EML6: variants seen among roughly 807,000 people sequenced by gnomAD.
EML6 encodes EMAP like 6.
Under a neutral mutation model 240.1 loss-of-function variants are expected in EML6, and 154 were observed. The ratio of observed to expected loss-of-function variants is 0.64; its 90% CI spans 0.56 to 0.73. The LOEUF (loss-of-function observed/expected upper bound fraction) is 0.73. Ranked by LOEUF, EML6 falls within the 30% of genes least tolerant of loss-of-function variation. The probability of loss-of-function intolerance (pLI) is 0.00; values close to 1 mark genes in which losing one functional copy is unlikely to be tolerated. For missense variants in EML6, 2,964 were observed against 2,474.6 expected, an observed-to-expected ratio of 1.20 and a Z score of -4.20; for synonymous variants, 1,148 against 899.0, an observed-to-expected ratio of 1.28 and a Z score of -4.95.
At chr2:54,836,704 T>A (rs574452357) in intron 7 of EML6, among the ~76,000 whole-genome samples, 1 of 152,314 alleles carries the variant, frequency 6.6e-6, no homozygotes, top group Non-Finnish European at 1.5e-5. Flanking sequence ...ACACAGGGCC[T>A]GGTACTCAGG....
rs1369949227 is a variant in EML6 at position 54,849,148 on chromosome 2, G to A, written c.1188-814G>A. ...ATTTCTTTTTAAAATTTTAAAAATC[G>A]ATACATAATAGATACACATATTTTC... On this transcript the variant is annotated intron_variant, in intron 9 of 41. Transcript: ENST00000356458. Among the ~76,000 whole-genome samples the A allele has an allele frequency of 2.0e-5, 3 of 152,164 alleles. No individual in the cohort carries two copies. The East Asian group carries it at 5.8e-4, about 29-fold the overall frequency.
intron 2 of EML6, among the ~76,000 whole-genome samples, chr2:54,744,332 T>G (rs1245041649): frequency 6.6e-6 from 1 of 151,932 alleles, no homozygotes; most frequent in African/African-American, 2.4e-5. Context: ...TGTAAACCCA[T>G]GGGAATGTCC....
chr2:54,956,164 A>C (rs903400097), intron 32 of EML6, among the ~76,000 whole-genome samples: 1 of 152,214 alleles, frequency 6.6e-6, no homozygotes, highest in Non-Finnish European at 1.5e-5. Context: ...AGGTGTCTCC[A>C]CAATTAGAAG....
chr2:54,936,590 G>A (rs1448804561), intron 28 of EML6, among the ~76,000 whole-genome samples: 3 of 151,972 alleles, frequency 2.0e-5, no homozygotes, highest in East Asian at 3.9e-4. Context: ...TTTTGAAGAG[G>A]ATACAATAAT....
chr2:54,948,235 G>A (rs550201635), intron 28 of EML6, among the ~76,000 whole-genome samples: 9 of 152,278 alleles, frequency 5.9e-5, no homozygotes, highest in South Asian at 4.1e-4. Context: ...AAACGGAGGC[G>A]GGAAAAGCAA....
intron 2 of EML6, among the ~76,000 whole-genome samples, chr2:54,778,525 C>A (rs1668697497): frequency 6.6e-6 from 1 of 152,076 alleles, no homozygotes; most frequent in Non-Finnish European, 1.5e-5. Flanking sequence ...ATGCTGACAC[C>A]ATGCACTAAG....
At chr2:54,844,532 C>T (rs1669645339) in intron 8 of EML6, among the ~76,000 whole-genome samples, 3 of 152,208 alleles carry the variant, frequency 2.0e-5, no homozygotes, top group African/African-American at 7.2e-5. Flanking sequence ...GAGCTAAGCA[C>T]ACTCATCTAT....
chr2:54,799,565 G>C (rs559966660), intron 2 of EML6, among the ~76,000 whole-genome samples: 1 of 151,994 alleles, frequency 6.6e-6, no homozygotes, highest in African/African-American at 2.4e-5. Context: ...GGATGGTCTC[G>C]ATCTCCTGAC....
chr2:54,760,687 G>A (rs1667940121), intron 2 of EML6, among the ~76,000 whole-genome samples: 1 of 152,098 alleles, frequency 6.6e-6, no homozygotes, highest in South Asian at 2.1e-4. Flanking sequence ...GAAGAAGTAA[G>A]TTTCTATCTT....
In EML6 at chr2:54,969,148, C is replaced by CT. The variant is rs569474508; in HGVS notation, c.5852+384dup. Among the ~76,000 whole-genome samples, 10 of 152,258 alleles carry CT rather than the reference C, an allele frequency of 6.6e-5. No homozygotes were observed. In the East Asian group the frequency reaches 1.7e-3, roughly 26 times the overall value. On this transcript the variant is annotated intron_variant, in intron 41 of 41. Transcript: ENST00000356458. ...TAGAATGCAAATTCATCTATATGTCCTTTTAAGAACTCCCAGTTGATCACC... is the reference window on the plus strand; with the variant it reads ...TAGAATGCAAATTCATCTATATGTCCTTTTTAAGAACTCCCAGTTGATCACC...
chr2:54,929,356 A>G (rs188758311), intron 28 of EML6, among the ~76,000 whole-genome samples: 81 of 152,344 alleles, frequency 5.3e-4, no homozygotes, highest in African/African-American at 1.7e-3. Context: ...ATGTGCTGTT[A>G]TAAGTATTGA....
At chr2:54,928,593 A>C (rs906223745) in intron 27 of EML6, 32 bp from the exon 28 acceptor site, 20 of 1,551,728 alleles carry the variant, frequency 1.3e-5, no homozygotes, top group Non-Finnish European at 1.7e-5. Flanking sequence ...CTGCAAACCA[A>C]CTGGCTCCCC....
rs184776050 is a variant in EML6, at chr2:54,858,961, C to T, written c.1658-573C>T. 4.1e-3 allele frequency among the ~76,000 whole-genome samples: 624 copies of T among 152,210 alleles called. 6 individuals are homozygous for T. The highest frequency in any genetic ancestry group is 0.014 in the African/African-American group (595 of 41,520). On this transcript the variant is annotated intron_variant, in intron 11 of 41. Transcript: ENST00000356458. Reference sequence around the variant, plus strand: ...GCTTATTACTCGAGTGCCTTGATGCCGCTGTGTACTGAGCATATGCTGATA... The same window carrying T: ...GCTTATTACTCGAGTGCCTTGATGCTGCTGTGTACTGAGCATATGCTGATA...
At chr2:54,808,658 T>C (rs1236344826) in intron 2 of EML6, among the ~76,000 whole-genome samples, 4 of 152,230 alleles carry the variant, frequency 2.6e-5, no homozygotes, top group African/African-American at 9.6e-5. Context: ...GAACAAGTGC[T>C]CATAAAATTT....
chr2:54,741,707 A>G (rs796805543), intron 2 of EML6, among the ~76,000 whole-genome samples: 4 of 152,350 alleles, frequency 2.6e-5, no homozygotes, highest in African/African-American at 9.6e-5. Flanking sequence ...TTAAAATGAC[A>G]TGAGAGCCAG....
intron 11 of EML6, among the ~76,000 whole-genome samples, chr2:54,858,851 G>A (rs1670525657): frequency 6.6e-6 from 1 of 152,196 alleles, no homozygotes. Context: ...AAATAGAAAT[G>A]TTTTTGAAGA....
chr2:54,780,021 G>A (rs1668781958), intron 2 of EML6, among the ~76,000 whole-genome samples: 1 of 151,998 alleles, frequency 6.6e-6, no homozygotes, highest in African/African-American at 2.4e-5. Flanking sequence ...GAGTTAGGAG[G>A]TGGGACTCCC....
intron 13 of EML6, among the ~76,000 whole-genome samples, chr2:54,866,479 A>G (rs1407774803): frequency 1.3e-5 from 2 of 152,178 alleles, no homozygotes; most frequent in Admixed American, 6.5e-5. Context: ...AAACTATTTT[A>G]TTTATATTTT....
At chr2:54,894,170 A>G in intron 19 of EML6, among the ~76,000 whole-genome samples, 1 of 151,452 alleles carries the variant, frequency 6.6e-6, no homozygotes. Flanking sequence ...AAAAGTTGCT[A>G]AGAAAGCAGT....
Sources: gnomAD v4.1 joint callset for allele counts (sites outside exome capture counted in the v4.1 genomes callset) on GRCh38, gnomAD v4.1.1 for gene constraint, MANE v1.5 for transcripts, NCBI Gene and HGNC (gene_info 2026-07-23, HGNC 2026-07-21) for gene names.